B3GNT6: variants seen among roughly 807,000 people sequenced by gnomAD.
B3GNT6 encodes acetylgalactosaminyl-O-glycosyl-glycoprotein beta-1,3-N-acetylglucosaminyltransferase.
For missense variants in B3GNT6, 624 were observed against 568.6 expected (o/e 1.10, Z -0.99); for synonymous variants, 300 against 270.0 (o/e 1.11, Z -1.09).
Position 77,041,640 on chromosome 11 carries a change from G to T in B3GNT6, c.*934G>T, listed in dbSNP as rs1440848390. 1 of 152,452 alleles carries T rather than the reference G, an allele frequency of 6.6e-6. No homozygotes were observed. The highest frequency in any genetic ancestry group is 2.4e-5 in the African/African-American group (1 of 41,440). The allele number at this position is 152,452 out of a possible 1,614,324, so 9.4% of individuals were successfully genotyped here. Reference sequence around the variant, plus strand: ...GTAGAATTGTGTTCGGGAGGTGGGGGATCTGAGACCGAAGTGGACAGTGGT... The same window carrying T: ...GTAGAATTGTGTTCGGGAGGTGGGGTATCTGAGACCGAAGTGGACAGTGGT... On this transcript the variant is annotated 3_prime_UTR_variant, in exon 2 of 2. Transcript: ENST00000622824.
At position 77,039,775 on chromosome 11, in the gene B3GNT6, C is replaced by A; in HGVS notation, c.224C>A (p.Ser75Ter). The A allele has an allele frequency of 6.3e-7, 1 of 1,585,920 alleles. No individual in the cohort carries two copies. Reference protein sequence around the residue: ...VPGPPCVANASANATADFEQL... With the variant: ...VPGPPCVANA ...GGGCCCCCGTGCGTGGCGAACGCCT[C>A]GGCGAACGCCACGGCCGACTTCGAG... Residue 75 changes from serine to a stop codon, truncating the protein, a stop_gained, in exon 2 of 2, where the codon TCG becomes TAG. Transcript: ENST00000622824. LOFTEE classifies it low-confidence loss of function (END_TRUNC).
intron 1 of B3GNT6, among the ~76,000 whole-genome samples, chr11:77,035,696 GA>G (rs1949628553): frequency 6.6e-6 from 1 of 152,228 alleles, no homozygotes; most frequent in Non-Finnish European, 1.5e-5. Flanking sequence ...ACCATAGAGA[GA>G]AATGCCCAAT....
intron 1 of B3GNT6, among the ~76,000 whole-genome samples, chr11:77,036,580 T>C (rs1385682351): frequency 6.6e-6 from 1 of 152,236 alleles, no homozygotes; most frequent in Non-Finnish European, 1.5e-5. Context: ...TCCTAACAGC[T>C]AATATTTACT....
rs1555028106 is a variant in B3GNT6, at chr11:77,041,812, C to G, written c.*1106C>G. The G allele has an allele frequency of 6.6e-6, 1 of 152,280 alleles. No homozygotes were observed. The highest frequency in any genetic ancestry group is 1.5e-5 in the Non-Finnish European group (1 of 68,156). The allele number at this position is 152,280 out of a possible 1,614,324, so 9.4% of individuals were successfully genotyped here. The stretch of plus-strand genomic sequence containing the variant: ...TCTCTATTGGGAGTACAAAAATTAG[C>G]CGGCCATAGTGGCTCGTGCCTGTAA... On this transcript the variant is annotated 3_prime_UTR_variant, in exon 2 of 2. Transcript: ENST00000622824.
chr11:77,039,867 G>A lies in B3GNT6; in HGVS notation c.316G>A (p.Asp106Asn), dbSNP rs781947183. 7.6e-6 allele frequency: 12 copies of A among 1,589,298 alleles called. No homozygotes were observed. The South Asian group carries it at 1.2e-4, about 16-fold the overall frequency. Residue 106 changes from aspartate to asparagine, a missense_variant, in exon 2 of 2, where the codon GAC becomes AAC. Coordinates refer to ENST00000622824, the MANE Select transcript of B3GNT6 (RefSeq NM_138706.5). ...RHCRHFPLLW[D>N]APAKCAGGRG... ...CTGCCGCCACTTCCCGCTGCTTTGG[G>A]ACGCACCGGCCAAGTGCGCCGGCGG...
chr11:77,040,631 C>T lies in B3GNT6; in HGVS notation c.1080C>T (p.Pro360=), dbSNP rs531497406. ...TGCTGCTAGTGCACCGCTTCGCGCCCTACGAGATGCTGCTCATGTGGAAGG... is the reference window on the plus strand; with the variant it reads ...TGCTGCTAGTGCACCGCTTCGCGCCTTACGAGATGCTGCTCATGTGGAAGG... ...RELLLVHRFA[P]YEMLLMWKAL... is the part of the protein sequence containing the mutation. Residue 360 remains proline, a synonymous_variant, in exon 2 of 2, where the codon CCC becomes CCT. Coordinates refer to ENST00000622824, the MANE Select transcript of B3GNT6 (RefSeq NM_138706.5). 1,718 of 1,600,400 alleles carry T rather than the reference C, an allele frequency of 1.1e-3. 19 individuals are homozygous for T. Among genetic ancestry groups the T allele is most frequent in the Non-Finnish European group, 1.8e-4 (210 of 1,179,084 alleles).
chr11:77,040,428 C>T lies in B3GNT6; in HGVS notation c.877C>T (p.Arg293Trp), dbSNP rs1213720736. Residue 293 changes from arginine (R) to tryptophan (W), a missense_variant, in exon 2 of 2, where the codon CGG (arginine) becomes TGG (tryptophan). By Grantham distance (101) the Arg-to-Trp change is moderately radical (BLOSUM62 -3). Coordinates refer to ENST00000622824, the MANE Select transcript of B3GNT6 (RefSeq NM_138706.5). Reference sequence around the variant, plus strand: ...CTTCCTCCTGTCCGGCCCCACGGCCCGGGCCCTGCGCGCGGCCGCCCGCCA... The same window carrying T: ...CTTCCTCCTGTCCGGCCCCACGGCCTGGGCCCTGCGCGCGGCCGCCCGCCA... ...GGFLLSGPTA[R>W]ALRAAARHTP... 3 of 1,529,418 alleles carry T rather than the reference C, an allele frequency of 2.0e-6. No homozygotes were observed. The highest frequency in any genetic ancestry group is 2.5e-5 in the East Asian group (1 of 40,696). The allele number at this position is 1,529,418 out of a possible 1,614,324, so 94.7% of individuals were successfully genotyped here. A position where few individuals can be genotyped will look rare whatever the true frequency, so the allele number is the denominator to read the frequency against.
intron 1 of B3GNT6, 128 bp downstream of exon 1, chr11:77,034,606 T>C (rs782129644): frequency 2.6e-5 from 4 of 152,562 alleles, no homozygotes; most frequent in African/African-American, 4.8e-5. Context: ...GAGGACAGAA[T>C]TGCCCCTATT....
intron 1 of B3GNT6, among the ~76,000 whole-genome samples, chr11:77,036,202 G>A (rs540120037): frequency 8.5e-5 from 13 of 152,190 alleles, no homozygotes; most frequent in Non-Finnish European, 5.9e-5. Flanking sequence ...ACAGGACTGC[G>A]CACTGAGTAG....
chr11:77,041,445 T>C lies in B3GNT6; in HGVS notation c.*739T>C. On this transcript the variant is annotated 3_prime_UTR_variant, in exon 2 of 2. Transcript: ENST00000622824. The stretch of plus-strand genomic sequence containing the variant: ...CAAAGCTAATGGCCTAGTTGGGTCC[T>C]GCCCGCCAATAATCACCCCCACGGG... 6.6e-6 allele frequency: 1 copy of C among 152,630 alleles called. No individual in the cohort carries two copies. The highest frequency in any genetic ancestry group is 1.5e-5 in the Non-Finnish European group (1 of 68,286). 9.5% of individuals were successfully genotyped at this position (152,630 alleles called of 1,614,324 possible).
chr11:77,040,197 C>G lies in B3GNT6; in HGVS notation c.646C>G (p.Arg216Gly). 1 of 1,599,258 alleles carries G rather than the reference C, an allele frequency of 6.3e-7. No homozygotes were observed. Among genetic ancestry groups the G allele is most frequent in the Non-Finnish European group, 8.5e-7 (1 of 1,179,448 alleles). Residue 216 changes from arginine to glycine, a missense_variant, in exon 2 of 2, where the codon CGC (arginine) becomes GGC (glycine). Coordinates refer to ENST00000622824, the MANE Select transcript of B3GNT6 (RefSeq NM_138706.5). ...DWLAARCPHA[R>G]FLLSGDDDVF... Reference sequence around the variant, plus strand: ...GCTGGCTGCACGCTGCCCGCACGCGCGCTTTCTGCTCAGCGGCGACGACGA... The same window carrying G: ...GCTGGCTGCACGCTGCCCGCACGCGGGCTTTCTGCTCAGCGGCGACGACGA...
chr11:77,036,165 AT>A (rs1453920951), intron 1 of B3GNT6, among the ~76,000 whole-genome samples: 2 of 152,232 alleles, frequency 1.3e-5, no homozygotes, highest in East Asian at 1.9e-4. Flanking sequence ...TGAAAAAAAA[AT>A]ATTGCATTCC....
chr11:77,040,834 AGCTGGGGT>A lies in B3GNT6; in HGVS notation c.*130_*137del. ...TGAACCCCAGCTGCGCACTGAAATC[AGCTGGGGT>A]GGGGGGTGTGGAAAATGCCTACATC... On this transcript the variant is annotated 3_prime_UTR_variant, in exon 2 of 2. Transcript: ENST00000622824. The A allele has an allele frequency of 2.9e-6, 4 of 1,372,128 alleles. No individual in the cohort carries two copies. The highest frequency in any genetic ancestry group is 2.8e-6 in the Non-Finnish European group (3 of 1,056,486). The allele number at this position is 1,372,128 out of a possible 1,614,324, so 85.0% of individuals were successfully genotyped here. A position where few individuals can be genotyped will look rare whatever the true frequency, so the allele number is the denominator to read the frequency against.
intron 1 of B3GNT6, among the ~76,000 whole-genome samples, chr11:77,035,678 GA>G (rs772995212): frequency 2.6e-4 from 39 of 152,330 alleles, no homozygotes; most frequent in Non-Finnish European, 4.9e-4. Context: ...GATGCCTGAT[GA>G]AAAAGAACCA....
rs782096762 is a variant in B3GNT6, at chr11:77,040,012, T to C, written c.461T>C (p.Leu154Pro). The C allele has an allele frequency of 3.2e-6, 5 of 1,578,078 alleles. No homozygotes were observed. In the East Asian group the frequency reaches 9.2e-5, roughly 29 times the overall value. ...RSYGGRPVRR[L>P]FLLGTPGPED... is the part of the protein sequence containing the mutation. ...TACGGCGGGCGGCCAGTGCGCCGCC[T>C]CTTTCTATTGGGCACCCCGGGCCCC... is the stretch of plus-strand genomic sequence containing the variant. Residue 154 changes from leucine (L) to proline (P), a missense_variant, in exon 2 of 2, where the codon CTC becomes CCC. Coordinates refer to ENST00000622824, the MANE Select transcript of B3GNT6 (RefSeq NM_138706.5).
chr11:77,038,107 G>A (rs1245622247), intron 1 of B3GNT6, among the ~76,000 whole-genome samples: 1 of 58,896 alleles, frequency 1.7e-5, no homozygotes, highest in Non-Finnish European at 3.2e-5. Context: ...GGGGGAGGGA[G>A]AGAAGGGAGG....
intron 1 of B3GNT6, among the ~76,000 whole-genome samples, chr11:77,038,183 A>C (rs1330817835): frequency 7.0e-6 from 1 of 143,164 alleles, no homozygotes; most frequent in African/African-American, 2.6e-5. Context: ...AGGTTATTAG[A>C]GAGGGGGAAC....
rs1555027646 is a variant in B3GNT6 at position 77,040,222 on chromosome 11, A to G, written c.671A>G (p.Asp224Gly). Residue 224 changes from aspartate (D) to glycine (G), a missense_variant, in exon 2 of 2, where the codon GAC (aspartate) becomes GGC (glycine). Physicochemically the swap from Asp to Gly is moderately conservative, Grantham distance 94. Coordinates refer to ENST00000622824, the MANE Select transcript of B3GNT6 (RefSeq NM_138706.5). The part of the protein sequence containing the change: ...HARFLLSGDD[D>G]VFVHTANVVR... ...CGCTTTCTGCTCAGCGGCGACGACGACGTGTTCGTGCACACCGCCAACGTA... is the reference window on the plus strand; with the variant it reads ...CGCTTTCTGCTCAGCGGCGACGACGGCGTGTTCGTGCACACCGCCAACGTA... 2 of 1,599,084 alleles carry G rather than the reference A, an allele frequency of 1.3e-6. No individual in the cohort carries two copies. The highest frequency in any genetic ancestry group is 4.5e-5 in the East Asian group (2 of 44,856).
At position 77,040,102 on chromosome 11, in the gene B3GNT6, A is replaced by C; in HGVS notation, c.551A>C (p.Asp184Ala). 1 of 1,595,164 alleles carries C rather than the reference A, an allele frequency of 6.3e-7. No homozygotes were observed. The highest frequency in any genetic ancestry group is 1.3e-5 in the African/African-American group (1 of 74,454). ...GCGCTGGAGGCGCGCGAGCACGGCGACGTGCTGCAGTGGGCCTTCGCGGAC... is the reference window on the plus strand; with the variant it reads ...GCGCTGGAGGCGCGCGAGCACGGCGCCGTGCTGCAGTGGGCCTTCGCGGAC... Reference protein sequence around the residue: ...LVALEAREHGDVLQWAFADTF... With the variant: ...LVALEAREHGAVLQWAFADTF... The change falls in exon 2 of 2, where the codon GAC becomes GCC. Residue 184 changes from aspartate (D) to alanine (A), a missense_variant. Transcript: ENST00000622824.
Sources: allele counts gnomAD v4.1 joint callset (sites outside exome capture counted in the v4.1 genomes callset), GRCh38; gene constraint gnomAD v4.1.1; transcripts MANE v1.5; gene names NCBI Gene and HGNC (gene_info 2026-07-23, HGNC 2026-07-21).